The following SCUBE1 variants were observed in gnomAD, a reference collection of about 807,000 sequenced individuals.
SCUBE1 encodes signal peptide, CUB and EGF-like domain-containing protein 1.
Under a neutral mutation model 124.4 loss-of-function variants are expected in SCUBE1, and 59 were observed. That is an observed-to-expected ratio of 0.47 (90% CI 0.38 to 0.59). The LOEUF (loss-of-function observed/expected upper bound fraction) is 0.59, where lower values mean the gene tolerates loss of function less well. Among genes scored for constraint, SCUBE1 ranks in the 20% least tolerant of loss-of-function variants. The pLI, the probability that SCUBE1 is intolerant of heterozygous loss-of-function variation, is 0.00. For synonymous variants in SCUBE1, 545 were observed against 550.9 expected (o/e 0.99, Z 0.15); for missense variants, 1,150 against 1,371.2 (o/e 0.84, Z 2.55).
intron 14 of SCUBE1, among the ~76,000 whole-genome samples, chr22:43,219,618 T>C (rs1014032474): frequency 2.2e-4 from 34 of 151,978 alleles, no homozygotes; most frequent in Middle Eastern, 3.4e-3. Context: ...GGATTACAGG[T>C]GCCTGCCACC....
intron 6 of SCUBE1, among the ~76,000 whole-genome samples, chr22:43,256,549 G>C (rs551214451): frequency 6.6e-6 from 1 of 152,326 alleles, no homozygotes; most frequent in Non-Finnish European, 1.5e-5. Context: ...GGGAGGGAAG[G>C]TGGGGCTGGG....
At chr22:43,293,462 C>G (rs967715818) in intron 3 of SCUBE1, among the ~76,000 whole-genome samples, 3 of 152,234 alleles carry the variant, frequency 2.0e-5, no homozygotes, top group African/African-American at 7.2e-5. Flanking sequence ...TGCGTCAGCG[C>G]ATGTGCTCAG....
chr22:43,325,775 G>C (rs1926707355), intron 2 of SCUBE1, among the ~76,000 whole-genome samples: 2 of 152,050 alleles, frequency 1.3e-5, no homozygotes, highest in African/African-American at 4.8e-5. Flanking sequence ...ATCTAATAGA[G>C]CAGAGAAAAG....
At chr22:43,325,057 G>A (rs374417315) in intron 2 of SCUBE1, among the ~76,000 whole-genome samples, 18 of 151,374 alleles carry the variant, frequency 1.2e-4, no homozygotes, top group Middle Eastern at 6.8e-3. Context: ...ACACAGACAC[G>A]CGGAGAGAAG....
chr22:43,305,216 C>T lies in SCUBE1; in HGVS notation c.350-14036G>A, dbSNP rs79849443. On this transcript the variant is annotated intron_variant, in intron 3 of 21. Transcript: ENST00000360835. Reference sequence around the variant, plus strand: ...CAGTTCTGTCCACGCCCAGGTGACACTGGACACGGACATCAGGACATGAAA... The same window carrying T: ...CAGTTCTGTCCACGCCCAGGTGACATTGGACACGGACATCAGGACATGAAA... 5.2e-3 allele frequency among the ~76,000 whole-genome samples: 785 copies of T among 152,326 alleles called. 8 individuals are homozygous for T. The highest frequency in any genetic ancestry group is 0.018 in the African/African-American group (763 of 41,566).
rs1921930032 is a variant in SCUBE1, at chr22:43,218,337, G to A, written c.1809C>T (p.Tyr603=). The change falls in exon 15 of 22, where the codon TAC becomes TAT. Residue 603 remains tyrosine, a synonymous_variant. Coordinates refer to ENST00000360835, the MANE Select transcript of SCUBE1 (RefSeq NM_173050.5). ...QFYVQVSGTE[Y]EVAQRPAKAL... ...CCTTGGCTGGCCTCTGGGCTACCTC[G>A]TACTCAGTGCCTGAGACCTGGACAT... 3.7e-6 allele frequency: 6 copies of A among 1,613,438 alleles called. No homozygotes were observed. The highest frequency in any genetic ancestry group is 2.2e-5 in the South Asian group (2 of 91,092).
intron 5 of SCUBE1, among the ~76,000 whole-genome samples, chr22:43,260,108 C>T (rs377157831): frequency 4.6e-5 from 7 of 152,282 alleles, no homozygotes; most frequent in South Asian, 2.1e-4. Flanking sequence ...AGGAGATTCC[C>T]GTTTCAGAGT....
At chr22:43,217,738 C>T (rs990220123) in intron 15 of SCUBE1, among the ~76,000 whole-genome samples, 2 of 152,172 alleles carry the variant, frequency 1.3e-5, no homozygotes, top group East Asian at 1.9e-4. Context: ...GCCTGTCCTG[C>T]GTCCAGGCTC....
intron 3 of SCUBE1, among the ~76,000 whole-genome samples, chr22:43,296,120 T>C (rs1380084556): frequency 6.6e-6 from 1 of 152,198 alleles, no homozygotes; most frequent in Non-Finnish European, 1.5e-5. Flanking sequence ...GCCGTGGGCA[T>C]GTAGAGTGAG....
At chr22:43,265,735 C>T (rs556151682) in intron 4 of SCUBE1, among the ~76,000 whole-genome samples, 4 of 152,300 alleles carry the variant, frequency 2.6e-5, no homozygotes, top group South Asian at 4.1e-4. Context: ...TTACAGCTAT[C>T]GAGACTGGCT....
At chr22:43,250,023 G>A (rs998995777) in intron 6 of SCUBE1, among the ~76,000 whole-genome samples, 1 of 152,260 alleles carries the variant, frequency 6.6e-6, no homozygotes, top group Non-Finnish European at 1.5e-5. Flanking sequence ...GCCTGGCACC[G>A]CGCTAAGCAC....
In SCUBE1 at chr22:43,343,188, C is replaced by A; in HGVS notation, c.74G>T (p.Gly25Val). 8.4e-7 allele frequency: 1 copy of A among 1,187,252 alleles called. No homozygotes were observed. Among genetic ancestry groups the A allele is most frequent in the Non-Finnish European group, 1.0e-6 (1 of 958,150 alleles). 73.5% of individuals were successfully genotyped at this position (1,187,252 alleles called of 1,614,324 possible). A position where few individuals can be genotyped will look rare whatever the true frequency, so the allele number is the denominator to read the frequency against. Reference sequence around the variant, plus strand: ...CGGGGGCTTACCTGGGAGCCCGCTGCCCCCGGCCAGCCGCCCGCGTGTGCC... The same window carrying A: ...CGGGGGCTTACCTGGGAGCCCGCTGACCCCGGCCAGCCGCCCGCGTGTGCC... ...ALGTRGRLAGGSGLPGSVDVD... is the reference protein window; with the variant it reads ...ALGTRGRLAGVSGLPGSVDVD... Residue 25 changes from glycine to valine, a missense_variant, in exon 1 of 22, where the codon GGC becomes GTC. Physicochemically the swap from Gly to Val is moderately radical, Grantham distance 109. Coordinates refer to ENST00000360835, the MANE Select transcript of SCUBE1 (RefSeq NM_173050.5).
At chr22:43,297,609 C>T (rs766073579) in intron 3 of SCUBE1, among the ~76,000 whole-genome samples, 1 of 152,242 alleles carries the variant, frequency 6.6e-6, no homozygotes, top group Non-Finnish European at 1.5e-5. Context: ...GAGCTGACAT[C>T]AGCAGGCCAT....
At chr22:43,270,841 C>T (rs1363284143) in intron 4 of SCUBE1, among the ~76,000 whole-genome samples, 1 of 152,144 alleles carries the variant, frequency 6.6e-6, no homozygotes, top group Non-Finnish European at 1.5e-5. Context: ...ACAAGCAAAA[C>T]AAGCAAAAAA....
At chr22:43,317,590 C>A (rs895853656) in intron 3 of SCUBE1, among the ~76,000 whole-genome samples, 6 of 152,230 alleles carry the variant, frequency 3.9e-5, no homozygotes, top group African/African-American at 1.2e-4. Context: ...ATGCCCATAT[C>A]CCCTGGGCTC....
At chr22:43,319,493 G>A (rs1020874132) in intron 3 of SCUBE1, among the ~76,000 whole-genome samples, 3 of 149,020 alleles carry the variant, frequency 2.0e-5, no homozygotes, top group Non-Finnish European at 3.0e-5. Flanking sequence ...AACCCAGGAG[G>A]TGGAGGTTGC....
At position 43,258,187 on chromosome 22, in the gene SCUBE1, A is replaced by G; in HGVS notation, c.727+32T>C. The G allele has an allele frequency of 6.8e-7, 1 of 1,460,034 alleles. No individual in the cohort carries two copies. The highest frequency in any genetic ancestry group is 9.6e-7 in the Non-Finnish European group (1 of 1,042,912). The allele number at this position is 1,460,034 out of a possible 1,614,324, so 90.4% of individuals were successfully genotyped here. On this transcript the variant is annotated intron_variant, in intron 6 of 21. Coordinates refer to ENST00000360835, the MANE Select transcript of SCUBE1 (RefSeq NM_173050.5). The surrounding 1 kb of genome is among the most constrained non-coding windows in gnomAD (Gnocchi z 5.0). ...ATGGGGGGTCGGGGGCGGGGGGCGC[A>G]AGGGTGGTGTGTGGCAGAGGTGCCT...
intron 4 of SCUBE1, among the ~76,000 whole-genome samples, chr22:43,286,776 AAATGAATG>A (rs113510685): frequency 6.6e-6 from 1 of 151,972 alleles, no homozygotes; most frequent in Non-Finnish European, 1.5e-5. Context: ...GCACACGAAT[AAATGAATG>A]AATGAATGAA....
Position 43,201,924 on chromosome 22 carries a change from A to G in SCUBE1, c.*2073T>C, listed in dbSNP as rs1474448204. The G allele has an allele frequency of 1.3e-5, 2 of 152,206 alleles. No individual in the cohort carries two copies. The highest frequency in any genetic ancestry group is 2.4e-5 in the African/African-American group (1 of 41,492). 9.4% of individuals were successfully genotyped at this position (152,206 alleles called of 1,614,324 possible). On this transcript the variant is annotated 3_prime_UTR_variant, in exon 22 of 22. Transcript: ENST00000360835. ...CTTGGGGATGACTGACGGCTCCACA[A>G]AGGGAGGGAGGGAGGCCTCTTTCCA...
Sources: gnomAD v4.1 joint callset for allele counts (sites outside exome capture counted in the v4.1 genomes callset) on GRCh38, gnomAD v4.1.1 for gene constraint, Gnocchi (gnomAD v3.1) non-coding constraint, MANE v1.5 for transcripts, NCBI Gene and HGNC (gene_info 2026-07-23, HGNC 2026-07-21) for gene names.